The following ATXN10 variants were observed in gnomAD, a reference collection of about 807,000 sequenced individuals.
ATXN10 encodes the protein ataxin 10, also known as ataxin-10.
In ATXN10, 28 loss-of-function variants were observed where a neutral mutation model predicts 52.9. That is an observed-to-expected ratio of 0.53 (90% confidence interval 0.39 to 0.73). ATXN10 has a LOEUF of 0.73. Among genes scored for constraint, ATXN10 ranks in the 30% least tolerant of loss-of-function variants. ATXN10 has a pLI of 0.00. For missense variants in ATXN10, 565 were observed against 577.0 expected (o/e 0.98, Z 0.21); for synonymous variants, 226 against 221.5 (o/e 1.02, Z -0.18).
At chr22:45,764,943 C>T (rs914002443) in intron 9 of ATXN10, among the ~76,000 whole-genome samples, 1 of 152,154 alleles carries the variant, frequency 6.6e-6, no homozygotes, top group African/African-American at 2.4e-5. Flanking sequence ...AGTATATGCT[C>T]TTCATTTTTC....
In ATXN10 at chr22:45,818,641, CA is replaced by C. The variant is rs1025133343; in HGVS notation, c.1237+11620del. Among the ~76,000 whole-genome samples, 22 of 151,896 alleles carry C rather than the reference CA, an allele frequency of 1.4e-4. No homozygotes were observed. The highest frequency in any genetic ancestry group is 3.1e-4 in the African/African-American group (13 of 41,314). On this transcript the variant is annotated intron_variant, in intron 10 of 11. Coordinates refer to ENST00000252934, the MANE Select transcript of ATXN10 (RefSeq NM_013236.4). The surrounding 1 kb of genome is among the most constrained non-coding windows in gnomAD (Gnocchi z 4.6). ...ACAGCCTGGGGCAGGGATCAGGGAT[CA>C]GGGGGCAGGGATCATCACGCAGGAA...
At chr22:45,704,290 G>A (rs1923953387) in intron 5 of ATXN10, among the ~76,000 whole-genome samples, 1 of 150,274 alleles carries the variant, frequency 6.7e-6, no homozygotes, top group South Asian at 2.1e-4. Flanking sequence ...ATTAATTTTA[G>A]GATCAACTTT....
At chr22:45,761,665 AT>A (rs914140121) in intron 9 of ATXN10, among the ~76,000 whole-genome samples, 1 of 152,046 alleles carries the variant, frequency 6.6e-6, no homozygotes, top group Non-Finnish European at 1.5e-5. Context: ...TTATTTATCT[AT>A]TTTTTTATCA....
Position 45,701,432 on chromosome 22 carries a change from A to G in ATXN10, c.488+1054A>G, listed in dbSNP as rs1346630827. ...GCTTTCCTGGGCTCCTCTGTGAAGT[A>G]TAGCGTTAAGATGGGATAAACTCTA... On this transcript the variant is annotated intron_variant, in intron 4 of 11. Transcript: ENST00000252934. The surrounding 1 kb of genome is among the most constrained non-coding windows in gnomAD (Gnocchi z 4.2). 6.6e-6 allele frequency among the ~76,000 whole-genome samples: 1 copy of G among 152,192 alleles called. No homozygotes were observed. The highest frequency in any genetic ancestry group is 2.1e-4 in the South Asian group (1 of 4,822).
rs1448263493 is a variant in ATXN10 at position 45,727,293 on chromosome 22, G to T, written c.729-2132G>T. On this transcript the variant is annotated intron_variant, in intron 6 of 11. Coordinates refer to ENST00000252934, the MANE Select transcript of ATXN10 (RefSeq NM_013236.4). This position sits in a 1 kb window ranked among gnomAD's most constrained non-coding sequence, Gnocchi z 4.6. Reference sequence around the variant, plus strand: ...GTTTTATTCTATTGTGGTCTGAGAAGATACTTGATATAGTTCTGTCTGTCT... The same window carrying T: ...GTTTTATTCTATTGTGGTCTGAGAATATACTTGATATAGTTCTGTCTGTCT... 1.3e-5 allele frequency among the ~76,000 whole-genome samples: 2 copies of T among 151,936 alleles called. No homozygotes were observed. Among genetic ancestry groups the T allele is most frequent in the East Asian group, 1.9e-4 (1 of 5,168 alleles).
rs568744178 is a variant in ATXN10, at chr22:45,826,775, A to G, written c.1238-16216A>G. On this transcript the variant is annotated intron_variant, in intron 10 of 11. Coordinates refer to ENST00000252934, the MANE Select transcript of ATXN10 (RefSeq NM_013236.4). The surrounding 1 kb of genome is among the most constrained non-coding windows in gnomAD (Gnocchi z 5.0). Reference sequence around the variant, plus strand: ...TTGTTACCACTAGACCTGCCTTGTAAGAAATGCTCAAGGTAATCCTGCAGG... The same window carrying G: ...TTGTTACCACTAGACCTGCCTTGTAGGAAATGCTCAAGGTAATCCTGCAGG... Among the ~76,000 whole-genome samples the G allele has an allele frequency of 1.3e-5, 2 of 152,342 alleles. No homozygotes were observed. The highest frequency in any genetic ancestry group is 3.9e-4 in the East Asian group (2 of 5,190).
At chr22:45,711,194 A>G (rs1924233427) in intron 5 of ATXN10, among the ~76,000 whole-genome samples, 1 of 152,150 alleles carries the variant, frequency 6.6e-6, no homozygotes. Context: ...ATAAAAAGGA[A>G]CAAGTGTTGG....
At chr22:45,697,315 A>T (rs1174319885) in intron 3 of ATXN10, among the ~76,000 whole-genome samples, 1 of 151,786 alleles carries the variant, frequency 6.6e-6, no homozygotes, top group East Asian at 2.0e-4. Flanking sequence ...TTGTATTTTT[A>T]GTAGAGATGG....
intron 9 of ATXN10, among the ~76,000 whole-genome samples, chr22:45,779,168 A>G (rs1012116788): frequency 2.6e-5 from 4 of 152,156 alleles, no homozygotes; most frequent in African/African-American, 9.7e-5. Flanking sequence ...CTTCCCTTTC[A>G]TAATGAAGCA....
At chr22:45,730,875 G>A (rs963223366) in intron 7 of ATXN10, among the ~76,000 whole-genome samples, 10 of 152,144 alleles carry the variant, frequency 6.6e-5, no homozygotes, top group Non-Finnish European at 1.3e-4. Context: ...GATATCACAT[G>A]TTTAAAGCTC....
At chr22:45,811,058 T>C (rs528993243) in intron 10 of ATXN10, among the ~76,000 whole-genome samples, 27 of 152,350 alleles carry the variant, frequency 1.8e-4, no homozygotes, top group Admixed American at 1.6e-3. Context: ...AAAACTTTTA[T>C]GTTTTTACTG....
intron 10 of ATXN10, among the ~76,000 whole-genome samples, chr22:45,831,911 C>T (rs866378724): frequency 6.6e-6 from 1 of 152,234 alleles, no homozygotes; most frequent in Non-Finnish European, 1.5e-5. Context: ...CTCTCAGGTG[C>T]ACTGAGTGTG....
At chr22:45,806,797 A>G (rs988376001) in intron 9 of ATXN10, among the ~76,000 whole-genome samples, 162 bp from the exon 10 acceptor site, 1 of 152,088 alleles carries the variant, frequency 6.6e-6, no homozygotes, top group African/African-American at 2.4e-5. Flanking sequence ...TTTTGTTTAC[A>G]TGTCTGTTTT....
intron 5 of ATXN10, among the ~76,000 whole-genome samples, chr22:45,713,313 A>C (rs1924322569): frequency 6.6e-6 from 1 of 152,192 alleles, no homozygotes. Flanking sequence ...GAGAAGGAAA[A>C]AGATGAGAAG....
At position 45,767,436 on chromosome 22, in the gene ATXN10, TAC is replaced by T. The variant is rs67341464; in HGVS notation, c.1173+26915_1173+26916del. ...ATACACATATGTATATAAATATACA[TAC>T]ACACACACACACACACCACACATTT... On this transcript the variant is annotated intron_variant, in intron 9 of 11. Transcript: ENST00000252934. 7.4e-3 allele frequency among the ~76,000 whole-genome samples: 1,116 copies of T among 149,810 alleles called. 8 individuals are homozygous for T. The highest frequency in any genetic ancestry group is 0.017 in the South Asian group (81 of 4,734).
intron 9 of ATXN10, chr22:45,792,698 A>G (rs1325335311): frequency 2.9e-6 from 1 of 349,196 alleles, no homozygotes; most frequent in African/African-American, 2.1e-5. Flanking sequence ...GCTCTGAACT[A>G]TCTATTGCTT....
In ATXN10 at chr22:45,780,895, G is replaced by T. The variant is rs982118770; in HGVS notation, c.1174-26064G>T. ...GAAACAATCATGGAAACACGTGACA[G>T]GTGGGGAGAAGACGGCATACTAGCA... On this transcript the variant is annotated intron_variant, in intron 9 of 11. Transcript: ENST00000252934. This position sits in a 1 kb window ranked among gnomAD's most constrained non-coding sequence, Gnocchi z 4.0. 6.6e-6 allele frequency among the ~76,000 whole-genome samples: 1 copy of T among 152,092 alleles called. No homozygotes were observed. Among genetic ancestry groups the T allele is most frequent in the African/African-American group, 2.4e-5 (1 of 41,410 alleles).
rs1165303275 is a variant in ATXN10 at position 45,751,763 on chromosome 22, A to AAAT, written c.1173+11249_1173+11251dup. On this transcript the variant is annotated intron_variant, in intron 9 of 11. Coordinates refer to ENST00000252934, the MANE Select transcript of ATXN10 (RefSeq NM_013236.4). ...TGGAAAAAAAAAAAAAATAAAAAAA[A>AAAT]AATAATAATAATAATAATAATAATA... 1.7e-3 allele frequency among the ~76,000 whole-genome samples: 111 copies of AAAT among 66,384 alleles called. 2 individuals are homozygous for AAAT. The highest frequency in any genetic ancestry group is 2.1e-3 in the Non-Finnish European group (72 of 33,850). The allele number at this position is 66,384 out of a possible 152,430, so 43.6% of individuals were successfully genotyped here. A position where few individuals can be genotyped will look rare whatever the true frequency, so the allele number is the denominator to read the frequency against.
chr22:45,815,988 G>A (rs1191959239), intron 10 of ATXN10, among the ~76,000 whole-genome samples: 1 of 152,154 alleles, frequency 6.6e-6, no homozygotes, highest in African/African-American at 2.4e-5. Flanking sequence ...GGTGGCTCCT[G>A]CCTGTAATCC....
Sources: gnomAD v4.1 joint callset for allele counts (sites outside exome capture counted in the v4.1 genomes callset) on GRCh38, gnomAD v4.1.1 for gene constraint, Gnocchi (gnomAD v3.1) non-coding constraint, MANE v1.5 for transcripts, NCBI Gene and HGNC (gene_info 2026-07-23, HGNC 2026-07-21) for gene names.